The following INSYN2B variants were observed in gnomAD, a reference collection of about 807,000 sequenced individuals.
INSYN2B encodes inhibitory synaptic factor family member 2B, also known as protein INSYN2B.
INSYN2B carries 16 observed loss-of-function variants against 41.2 expected under a neutral mutation model. The ratio of observed to expected loss-of-function variants is 0.39; its 90% CI spans 0.26 to 0.59. The LOEUF (loss-of-function observed/expected upper bound fraction) is 0.59. INSYN2B is among the 20% of genes least tolerant of loss of function. The pLI, the probability that INSYN2B is intolerant of heterozygous loss-of-function variation, is 0.57. For synonymous variants in INSYN2B, 245 were observed against 244.4 expected (o/e 1.00, Z -0.02); for missense variants, 608 against 646.4 (o/e 0.94, Z 0.64).
At position 169,973,793 on chromosome 5, in the gene INSYN2B, C is replaced by G. The variant is rs529040383; in HGVS notation, c.-919+6484G>C. On this transcript the variant is annotated intron_variant, in intron 1 of 3. Coordinates refer to ENST00000377365, the MANE Select transcript of INSYN2B (RefSeq NM_001129891.3). ...AAGAGGGCTGGTTCTGTCTATGTAACTGTGTAACTTTACCAATTGGTCTAT... is the reference window on the plus strand; with the variant it reads ...AAGAGGGCTGGTTCTGTCTATGTAAGTGTGTAACTTTACCAATTGGTCTAT... Among the ~76,000 whole-genome samples, 7 of 152,302 alleles carry G rather than the reference C, an allele frequency of 4.6e-5. 1 individual carries two copies. In the South Asian group the frequency reaches 1.5e-3, roughly 32 times the overall value.
At chr5:169,957,547 A>G (rs959007209) in intron 1 of INSYN2B, among the ~76,000 whole-genome samples, 1 of 152,182 alleles carries the variant, frequency 6.6e-6, no homozygotes, top group African/African-American at 2.4e-5. Flanking sequence ...GCTCCAGGTC[A>G]CAGGTGGGAC....
chr5:169,916,423 C>A (rs896354248), intron 1 of INSYN2B, among the ~76,000 whole-genome samples: 1 of 152,202 alleles, frequency 6.6e-6, no homozygotes, highest in Non-Finnish European at 1.5e-5. Context: ...GCTGAAGAAA[C>A]CTTGCCATGG....
rs182223433 is a variant in INSYN2B, at chr5:169,894,412, T to C, written c.-918-9596A>G. On this transcript the variant is annotated intron_variant, in intron 1 of 3. Transcript: ENST00000377365. ...CCCCTTCTCCTGACATAGATACACA[T>C]TGCACACCCACCAAGGACAACTGTT... 4.2e-3 allele frequency among the ~76,000 whole-genome samples: 641 copies of C among 152,184 alleles called. 7 individuals carry two copies. Among genetic ancestry groups the C allele is most frequent in the African/African-American group, 0.014 (601 of 41,520 alleles).
chr5:169,948,979 T>C (rs1407673120), intron 1 of INSYN2B, among the ~76,000 whole-genome samples: 1 of 152,216 alleles, frequency 6.6e-6, no homozygotes, highest in Non-Finnish European at 1.5e-5. Flanking sequence ...CTTTTTTATA[T>C]GCATCCAGTT....
intron 1 of INSYN2B, among the ~76,000 whole-genome samples, chr5:169,925,381 A>G (rs1316134008): frequency 6.6e-6 from 1 of 152,082 alleles, no homozygotes; most frequent in Non-Finnish European, 1.5e-5. Context: ...GGCGTTAAAG[A>G]CCAGCCTGGC....
At chr5:169,891,829 C>A (rs1016534649) in intron 1 of INSYN2B, among the ~76,000 whole-genome samples, 2 of 151,870 alleles carry the variant, frequency 1.3e-5, no homozygotes, top group African/African-American at 2.4e-5. Context: ...CACATCTCTA[C>A]TAAAAATACA....
At chr5:169,888,107 A>G (rs749626546) in intron 1 of INSYN2B, among the ~76,000 whole-genome samples, 1 of 152,254 alleles carries the variant, frequency 6.6e-6, no homozygotes, top group Non-Finnish European at 1.5e-5. Flanking sequence ...TTTTAGACAG[A>G]GCCTAGGAAG....
chr5:169,967,206 C>CTG (rs1423895602), intron 1 of INSYN2B, among the ~76,000 whole-genome samples: 1 of 152,196 alleles, frequency 6.6e-6, no homozygotes, highest in African/African-American at 2.4e-5. Flanking sequence ...TGCACAGGGA[C>CTG]ATGAGAACTC....
At chr5:169,877,452 A>C (rs950620571) in intron 3 of INSYN2B, among the ~76,000 whole-genome samples, 5 of 152,242 alleles carry the variant, frequency 3.3e-5, no homozygotes, top group Non-Finnish European at 7.3e-5. Context: ...AGTTGGAATC[A>C]GTAGCTTATT....
chr5:169,879,755 G>A (rs947799212), intron 3 of INSYN2B, among the ~76,000 whole-genome samples: 1 of 152,096 alleles, frequency 6.6e-6, no homozygotes, highest in Non-Finnish European at 1.5e-5. Context: ...GGACTCTTGG[G>A]GCCATTTAAT....
intron 1 of INSYN2B, among the ~76,000 whole-genome samples, chr5:169,948,648 C>G (rs1776540755): frequency 6.9e-6 from 1 of 145,182 alleles, no homozygotes; most frequent in Non-Finnish European, 1.5e-5. Flanking sequence ...GGGTCTTGCT[C>G]TGTTCCCCAG....
At chr5:169,873,793 A>G (rs1327020342) in intron 3 of INSYN2B, among the ~76,000 whole-genome samples, 1 of 152,214 alleles carries the variant, frequency 6.6e-6, no homozygotes, top group African/African-American at 2.4e-5. Context: ...TTAACCAAGA[A>G]GGAAACTCCC....
chr5:169,880,938 G>A (rs1005874856), intron 3 of INSYN2B, among the ~76,000 whole-genome samples: 2 of 152,204 alleles, frequency 1.3e-5, no homozygotes, highest in African/African-American at 4.8e-5. Flanking sequence ...GCTTGGCATA[G>A]CATAGCTACT....
At chr5:169,911,284 G>A (rs186501658) in intron 1 of INSYN2B, among the ~76,000 whole-genome samples, 4 of 152,150 alleles carry the variant, frequency 2.6e-5, no homozygotes, top group Non-Finnish European at 4.4e-5. Context: ...TCCTTATTAC[G>A]CCTCTGCTGC....
chr5:169,892,397 A>G (rs1319143073), intron 1 of INSYN2B, among the ~76,000 whole-genome samples: 1 of 152,266 alleles, frequency 6.6e-6, no homozygotes, highest in Non-Finnish European at 1.5e-5. Flanking sequence ...GTGGAACTGC[A>G]CAAGTGACAC....
In INSYN2B at chr5:169,864,356, G is replaced by T. The variant is rs1444097751; in HGVS notation, c.1525C>A (p.Pro509Thr). ...VEEASPPPKS[P>T]AEPPAPEKQD... ...TTTTCCGGGGCTGGGGGTTCTGCTG[G>T]GGACTTTGGTGGGGGCGATGCCTCC... The change falls in exon 4 of 4, where the codon CCA becomes ACA. Residue 509 changes from proline to threonine, a missense_variant. Physicochemically the swap from Pro to Thr is conservative, Grantham distance 38 (BLOSUM62 -1). Transcript: ENST00000377365. 6.4e-7 allele frequency: 1 copy of T among 1,551,588 alleles called. No homozygotes were observed. The highest frequency in any genetic ancestry group is 8.7e-7 in the Non-Finnish European group (1 of 1,146,920).
intron 1 of INSYN2B, among the ~76,000 whole-genome samples, chr5:169,930,119 T>C (rs1162339400): frequency 3.3e-5 from 5 of 152,220 alleles, no homozygotes; most frequent in African/African-American, 1.2e-4. Flanking sequence ...GCCTCCCGAG[T>C]AGCTGGGACT....
chr5:169,875,498 T>C, intron 3 of INSYN2B: 1 of 325,218 alleles, frequency 3.1e-6, no homozygotes, highest in South Asian at 2.5e-5. Flanking sequence ...GGCAGCATGC[T>C]GTGGAATCTG....
At chr5:169,926,069 AG>A (rs1775435340) in intron 1 of INSYN2B, among the ~76,000 whole-genome samples, 1 of 152,218 alleles carries the variant, frequency 6.6e-6, no homozygotes, top group Non-Finnish European at 1.5e-5. Flanking sequence ...AGCTGAGCTT[AG>A]AAAAGAGAAT....
Sources: gnomAD v4.1 joint callset for allele counts (sites outside exome capture counted in the v4.1 genomes callset) on GRCh38, gnomAD v4.1.1 for gene constraint, MANE v1.5 for transcripts, NCBI Gene and HGNC (gene_info 2026-07-23, HGNC 2026-07-21) for gene names.